Variants in ADGRL2 observed in about 807,000 individuals in gnomAD.
ADGRL2 encodes calcium-independent alpha-latrotoxin receptor 2.
ADGRL2 carries 44 observed loss-of-function variants against 157.4 expected under a neutral mutation model. The observed-to-expected ratio is 0.28, with a 90% confidence interval of 0.22 to 0.36. The LOEUF is 0.36. Ranked by LOEUF, ADGRL2 falls within the 10% of genes least tolerant of loss-of-function variation. The pLI is 1.00. For missense variants in ADGRL2, 1,510 were observed against 1,768.9 expected, an observed-to-expected ratio of 0.85 and a Z score of 2.63; for synonymous variants, 585 against 624.7, an observed-to-expected ratio of 0.94 and a Z score of 0.95.
At chr1:81,676,925 G>T (rs1320106049) in intron 3 of ADGRL2, among the ~76,000 whole-genome samples, 1 of 148,660 alleles carries the variant, frequency 6.7e-6, no homozygotes, top group African/African-American at 2.5e-5. Context: ...TCCTGACCTC[G>T]TGATCTGCCC....
chr1:81,630,042 A>G (rs2081983632), intron 3 of ADGRL2, among the ~76,000 whole-genome samples: 1 of 152,194 alleles, frequency 6.6e-6, no homozygotes, highest in South Asian at 2.1e-4. Context: ...AGACACATAC[A>G]TGTATACACA....
intron 1 of ADGRL2, among the ~76,000 whole-genome samples, chr1:81,421,699 CTT>C (rs34389652): frequency 1.4e-5 from 2 of 148,132 alleles, no homozygotes; most frequent in Non-Finnish European, 1.5e-5. Flanking sequence ...ACTAAATATT[CTT>C]TTTTTTTTTG....
At chr1:81,363,101 C>T (rs2076006251) in intron 1 of ADGRL2, among the ~76,000 whole-genome samples, 1 of 151,780 alleles carries the variant, frequency 6.6e-6, no homozygotes, top group African/African-American at 2.4e-5. Flanking sequence ...ATTTATTAAG[C>T]AAAACGAATA....
At chr1:81,967,718 C>G (rs1657552476) in intron 13 of ADGRL2, among the ~76,000 whole-genome samples, 1 of 152,050 alleles carries the variant, frequency 6.6e-6, no homozygotes, top group Non-Finnish European at 1.5e-5. Context: ...ATTTATGGCT[C>G]TAATTTTATC....
chr1:81,727,789 A>G (rs1228267624), intron 1 of ADGRL2, among the ~76,000 whole-genome samples: 1 of 150,806 alleles, frequency 6.6e-6, no homozygotes, highest in Non-Finnish European at 1.5e-5. Flanking sequence ...TAATGGCTGC[A>G]CAGTATTCCA....
intron 2 of ADGRL2, among the ~76,000 whole-genome samples, chr1:81,883,951 G>T (rs563260297): frequency 5.0e-4 from 76 of 151,548 alleles, no homozygotes; most frequent in African/African-American, 1.8e-3. Flanking sequence ...AAGTGTTATG[G>T]ATTCTTAAGA....
chr1:81,597,589 A>T (rs893586305), intron 3 of ADGRL2, among the ~76,000 whole-genome samples: 5 of 152,196 alleles, frequency 3.3e-5, no homozygotes, highest in African/African-American at 1.2e-4. Context: ...CATTTTACAC[A>T]TGAGAAAATT....
intron 2 of ADGRL2, among the ~76,000 whole-genome samples, chr1:81,885,169 T>G (rs1380332072): frequency 6.6e-6 from 1 of 152,156 alleles, no homozygotes; most frequent in Non-Finnish European, 1.5e-5. Context: ...AGGAAAACTG[T>G]TTTTAGCTGG....
At chr1:81,376,272 G>A (rs997025219) in intron 1 of ADGRL2, among the ~76,000 whole-genome samples, 1 of 152,130 alleles carries the variant, frequency 6.6e-6, no homozygotes, top group Non-Finnish European at 1.5e-5. Flanking sequence ...CTGTGGGGTC[G>A]CTTTTACTTT....
intron 2 of ADGRL2, among the ~76,000 whole-genome samples, chr1:81,480,643 T>A (rs1003131156): frequency 6.6e-6 from 1 of 152,204 alleles, no homozygotes; most frequent in African/African-American, 2.4e-5. Context: ...ATAGTCATAA[T>A]AGACAAATAT....
intron 1 of ADGRL2, among the ~76,000 whole-genome samples, chr1:81,834,107 A>T (rs976311072): frequency 6.6e-6 from 1 of 152,148 alleles, no homozygotes; most frequent in Admixed American, 6.5e-5. Context: ...ATCTTGTTTT[A>T]CTAAGAAATG....
intron 2 of ADGRL2, among the ~76,000 whole-genome samples, chr1:81,862,265 T>G (rs2150805475): frequency 6.6e-6 from 1 of 152,182 alleles, no homozygotes; most frequent in African/African-American, 2.4e-5. Flanking sequence ...AAAGAATAGA[T>G]TAGACATATT....
chr1:81,682,103 A>ATGTGTGTGTGTGTGTG (rs57943530), intron 3 of ADGRL2, among the ~76,000 whole-genome samples: 2,518 of 147,996 alleles, frequency 0.017, 43 homozygotes, highest in African/African-American at 0.038. Context: ...ATACATATAT[A>ATGTGTGTGTGTGTGTG]TGTGTGTGTG....
intron 2 of ADGRL2, among the ~76,000 whole-genome samples, chr1:81,839,931 ATATATATATAT>A (rs1557749125): frequency 7.7e-6 from 1 of 130,056 alleles, no homozygotes; most frequent in Non-Finnish European, 1.6e-5. Context: ...ATATGATGGA[ATATATATATAT>A]AATATATATA....
intron 3 of ADGRL2, among the ~76,000 whole-genome samples, chr1:81,622,207 G>A (rs767387131): frequency 3.3e-5 from 5 of 152,176 alleles, no homozygotes; most frequent in Non-Finnish European, 7.3e-5. Context: ...CACAAGAAAT[G>A]TGCACTAATA....
intron 2 of ADGRL2, among the ~76,000 whole-genome samples, chr1:81,839,200 G>T (rs3790947): frequency 0.14 from 21,265 of 151,772 alleles, 1,633 homozygotes; most frequent in East Asian, 0.2. Context: ...ACACAGTTTA[G>T]TTCTTTTTAT....
intron 1 of ADGRL2, among the ~76,000 whole-genome samples, chr1:81,804,906 CTAAA>C (rs1478215204): frequency 3.9e-5 from 6 of 152,098 alleles, no homozygotes; most frequent in South Asian, 4.1e-4. Context: ...TTTTTATGTG[CTAAA>C]TAAATAGGGA....
intron 2 of ADGRL2, among the ~76,000 whole-genome samples, chr1:81,511,558 C>T (rs972757244): frequency 6.6e-6 from 1 of 152,052 alleles, no homozygotes; most frequent in Non-Finnish European, 1.5e-5. Context: ...TTATAGGTAA[C>T]TTGCACCTTT....
At chr1:81,568,844 A>G (rs1570528765) in intron 2 of ADGRL2, among the ~76,000 whole-genome samples, 1 of 152,064 alleles carries the variant, frequency 6.6e-6, no homozygotes, top group Admixed American at 6.6e-5. Context: ...GAACATTTTT[A>G]CCTATGTTCT....
Sources: gnomAD v4.1 joint callset for allele counts (sites outside exome capture counted in the v4.1 genomes callset) on GRCh38, gnomAD v4.1.1 for gene constraint, MANE v1.5 for transcripts, NCBI Gene and HGNC (gene_info 2026-07-23, HGNC 2026-07-21) for gene names.